The following NEK1 variants were observed in gnomAD, a reference collection of about 807,000 sequenced individuals.
NEK1 encodes serine/threonine-protein kinase Nek1.
Under a neutral mutation model 182.1 loss-of-function variants are expected in NEK1, and 137 were observed. The ratio of observed to expected loss-of-function variants is 0.75; its 90% CI spans 0.65 to 0.87. NEK1 has a LOEUF of 0.87. Among genes scored for constraint, NEK1 ranks in the 40% least tolerant of loss-of-function variants. NEK1 has a pLI of 0.00. For synonymous variants in NEK1, 513 were observed against 492.2 expected (o/e 1.04, Z -0.56); for missense variants, 1,391 against 1,494.4 (o/e 0.93, Z 1.14).
At chr4:169,463,049 A>C (rs970987253) in intron 27 of NEK1, among the ~76,000 whole-genome samples, 194 bp downstream of exon 27, 2 of 152,098 alleles carry the variant, frequency 1.3e-5, no homozygotes. Context: ...ATCCAGGTCT[A>C]TCAGGTCAAA....
At position 169,587,405 on chromosome 4, in the gene NEK1, A is replaced by C. The variant is rs527933002; in HGVS notation, c.606+154T>G. ...CATATATACAAAGGGAAATCGATTTATACTTCAGAAAAAATGAGAAATTCA... is the reference window on the plus strand; with the variant it reads ...CATATATACAAAGGGAAATCGATTTCTACTTCAGAAAAAATGAGAAATTCA... On this transcript the variant is annotated intron_variant, in intron 9 of 35. Coordinates refer to ENST00000507142, the MANE Select transcript of NEK1 (RefSeq NM_001199397.3). Among the ~76,000 whole-genome samples the C allele has an allele frequency of 1.1e-4, 17 of 152,092 alleles. No homozygotes were observed. The East Asian group carries it at 2.7e-3, about 24-fold the overall frequency.
rs767879180 is a variant in NEK1, at chr4:169,602,568, A to C, written c.63T>G (p.Val21=). ...ACTGTCTGCCATCTTCTGTAGATTT[A>C]ACAAGAATGGCTTTTCCAAATGAAC... ...GEGSFGKAIL[V]KSTEDGRQYV... The change falls in exon 3 of 36, where the codon GTT becomes GTG. Residue 21 remains valine, a synonymous_variant. Transcript: ENST00000507142. 1.2e-6 allele frequency: 2 copies of C among 1,609,426 alleles called. No individual in the cohort carries two copies. The highest frequency in any genetic ancestry group is 4.5e-5 in the East Asian group (2 of 44,648).
intron 23 of NEK1, among the ~76,000 whole-genome samples, chr4:169,489,758 C>G (rs1749724062): frequency 6.6e-6 from 1 of 152,150 alleles, no homozygotes; most frequent in South Asian, 2.1e-4. Context: ...TCTAGAACAT[C>G]TCTTCTTCTC....
At chr4:169,497,708 A>G (rs2149648929) in intron 23 of NEK1, among the ~76,000 whole-genome samples, 1 of 152,232 alleles carries the variant, frequency 6.6e-6, no homozygotes, top group South Asian at 2.1e-4. Flanking sequence ...CACGTAGTTG[A>G]GCGGTTTTGA....
chr4:169,532,198 C>T (rs1390568706), intron 19 of NEK1, among the ~76,000 whole-genome samples: 1 of 151,984 alleles, frequency 6.6e-6, no homozygotes, highest in Non-Finnish European at 1.5e-5. Context: ...ATATATTTGT[C>T]AATACTCATT....
At chr4:169,488,870 T>C (rs1483202136) in intron 23 of NEK1, among the ~76,000 whole-genome samples, 2 of 152,216 alleles carry the variant, frequency 1.3e-5, no homozygotes, top group African/African-American at 2.4e-5. Flanking sequence ...CAATTTTTTT[T>C]TGTATATTAA....
At chr4:169,505,040 T>C (rs184769464) in intron 23 of NEK1, among the ~76,000 whole-genome samples, 1 of 118,902 alleles carries the variant, frequency 8.4e-6, no homozygotes. Flanking sequence ...AAAAAAAAAA[T>C]TTTTTTTAAG....
At chr4:169,541,859 T>C (rs1759478686) in intron 18 of NEK1, among the ~76,000 whole-genome samples, 1 of 152,174 alleles carries the variant, frequency 6.6e-6, no homozygotes, top group African/African-American at 2.4e-5. Context: ...AAGATGTTCA[T>C]TAAACCCCAC....
intron 26 of NEK1, among the ~76,000 whole-genome samples, chr4:169,471,307 G>C (rs1450242239): frequency 2.0e-5 from 3 of 152,102 alleles, no homozygotes; most frequent in African/African-American, 4.8e-5. Flanking sequence ...TGGGGTTTTT[G>C]CTTGGGTGTC....
At chr4:169,498,684 G>T (rs1156718756) in intron 23 of NEK1, among the ~76,000 whole-genome samples, 2 of 152,154 alleles carry the variant, frequency 1.3e-5, no homozygotes, top group Non-Finnish European at 2.9e-5. Context: ...GGCTGGATAT[G>T]AAATTCTGAG....
chr4:169,496,234 G>A (rs1442710824), intron 23 of NEK1, among the ~76,000 whole-genome samples: 2 of 152,104 alleles, frequency 1.3e-5, no homozygotes, highest in Non-Finnish European at 2.9e-5. Context: ...GACTGCTTGT[G>A]ATTTTTGCAC....
intron 4 of NEK1, among the ~76,000 whole-genome samples, chr4:169,600,642 A>G (rs1770323839): frequency 6.6e-6 from 1 of 152,166 alleles, no homozygotes; most frequent in Admixed American, 6.5e-5. Flanking sequence ...ATGACTTTTT[A>G]TGATTGACCT....
In NEK1 at chr4:169,587,593, C is replaced by A; in HGVS notation, c.572G>T (p.Cys191Phe). 1 of 1,548,670 alleles carries A rather than the reference C, an allele frequency of 6.5e-7. No homozygotes were observed. The highest frequency in any genetic ancestry group is 8.7e-7 in the Non-Finnish European group (1 of 1,143,028). Residue 191 changes from cysteine to phenylalanine, a missense_variant, in exon 9 of 36, where the codon TGT becomes TTT. Around this residue, in one of 5 missense-constraint regions of NEK1, gnomAD observed 1,216 missense variants for 1,277.6 expected, o/e 0.95. Coordinates refer to ENST00000507142, the MANE Select transcript of NEK1 (RefSeq NM_001199397.3). ...NNKSDIWALG[C>F]VLYELCTLKH... Reference sequence around the variant, plus strand: ...AAGTGTACACAGCTCATAAAGGACACACCCCAGAGCCCAAATGTCACTGGA... The same window carrying A: ...AAGTGTACACAGCTCATAAAGGACAAACCCCAGAGCCCAAATGTCACTGGA...
chr4:169,477,219 G>C lies in NEK1; in HGVS notation c.2339C>G (p.Ser780Ter). 1 of 1,606,476 alleles carries C rather than the reference G, an allele frequency of 6.2e-7. No homozygotes were observed. The highest frequency in any genetic ancestry group is 8.5e-7 in the Non-Finnish European group (1 of 1,175,950). ...CCACTTCTTGCGATCAGATGAAACT[G>C]ATTTTTCTTTTTCATGCTCTTTGGC... Reference protein sequence around the residue: ...EDAKEHEKEKSVSSDRKKWEA... With the variant: ...EDAKEHEKEK Residue 780 changes from serine to a stop codon, truncating the protein, a stop_gained, in exon 26 of 36, where the codon TCA becomes TGA. Transcript: ENST00000507142. LOFTEE classifies it high-confidence loss of function.
intron 19 of NEK1, among the ~76,000 whole-genome samples, chr4:169,534,906 A>G (rs1305303977): frequency 6.6e-6 from 1 of 152,228 alleles, no homozygotes; most frequent in African/African-American, 2.4e-5. Context: ...AAGATGGCAG[A>G]ATTAATAGAT....
chr4:169,541,348 T>C (rs1022489920), intron 18 of NEK1, among the ~76,000 whole-genome samples: 6 of 152,190 alleles, frequency 3.9e-5, no homozygotes, highest in Non-Finnish European at 7.3e-5. Context: ...TATTAAAAAG[T>C]GGCTTCAGCC....
intron 18 of NEK1, among the ~76,000 whole-genome samples, chr4:169,547,695 T>C (rs902432061): frequency 2.0e-5 from 3 of 152,224 alleles, no homozygotes; most frequent in Non-Finnish European, 4.4e-5. Context: ...TCTCTAATCT[T>C]GTCTTCTCGC....
chr4:169,496,078 T>A (rs1017979779), intron 23 of NEK1, among the ~76,000 whole-genome samples: 2 of 152,212 alleles, frequency 1.3e-5, no homozygotes, highest in African/African-American at 4.8e-5. Context: ...TTTTATTTCA[T>A]TGAGCAGTGG....
intron 18 of NEK1, among the ~76,000 whole-genome samples, chr4:169,552,682 T>C (rs905192583): frequency 1.3e-5 from 2 of 152,204 alleles, no homozygotes; most frequent in East Asian, 3.9e-4. Flanking sequence ...TGATTGTCTA[T>C]GTAGAAAATT....
Sources: gnomAD v4.1 joint callset for allele counts (sites outside exome capture counted in the v4.1 genomes callset) on GRCh38, gnomAD v4.1.1 for gene constraint, gnomAD v4.1.1 regional missense constraint, MANE v1.5 for transcripts, NCBI Gene and HGNC (gene_info 2026-07-23, HGNC 2026-07-21) for gene names.